The following GRM7 variants were observed in gnomAD, a reference collection of about 807,000 sequenced individuals.
GRM7 encodes glutamate metabotropic receptor 7, also known as metabotropic glutamate receptor 7.
Under a neutral mutation model 84.5 loss-of-function variants are expected in GRM7, and 35 were observed. The observed-to-expected ratio is 0.41, with a 90% CI of 0.32 to 0.55. The LOEUF is 0.55. GRM7 is among the 20% of genes least tolerant of loss of function. GRM7 has a pLI of 0.19. For missense variants in GRM7, 1,003 were observed against 1,194.6 expected, an observed-to-expected ratio of 0.84 and a Z score of 2.36; for synonymous variants, 487 against 455.1, an observed-to-expected ratio of 1.07 and a Z score of -0.89.
chr3:7,090,587 T>C (rs1334705294), intron 1 of GRM7, among the ~76,000 whole-genome samples: 1 of 152,232 alleles, frequency 6.6e-6, no homozygotes, highest in African/African-American at 2.4e-5. Flanking sequence ...GAATTATTCT[T>C]AAAATGTCAA....
rs138810187 is a variant in GRM7, at chr3:7,712,701, G to C, written c.2699-27656G>C. ...ACTTAAGCTAAGATCTACACACTTA[G>C]CAAAGTTTCAAGTGTATAATCCTGG... is the stretch of plus-strand genomic sequence containing the variant. On this transcript the variant is annotated intron_variant, in intron 9 of 9. Transcript: ENST00000357716. Among the ~76,000 whole-genome samples, 467 of 151,328 alleles carry C rather than the reference G, an allele frequency of 3.1e-3. 1 individual carries two copies. Among genetic ancestry groups the C allele is most frequent in the Middle Eastern group, 0.01 (3 of 294 alleles).
In GRM7 at chr3:6,991,110, G is replaced by T. The variant is rs143735605; in HGVS notation, c.519+129203G>T. On this transcript the variant is annotated intron_variant, in intron 1 of 9. Transcript: ENST00000357716. ...CATACATACATGCACACACACACAC[G>T]GATGCCCTCTTACCAACCTGCACCC... 6.2e-3 allele frequency among the ~76,000 whole-genome samples: 950 copies of T among 152,066 alleles called. 9 individuals carry two copies. The highest frequency in any genetic ancestry group is 0.02 in the African/African-American group (840 of 41,476).
At chr3:7,616,359 C>T (rs1697079510) in intron 8 of GRM7, among the ~76,000 whole-genome samples, 1 of 152,128 alleles carries the variant, frequency 6.6e-6, no homozygotes, top group South Asian at 2.1e-4. Context: ...GTGCTTCCTA[C>T]ACCTAACTTA....
chr3:7,252,908 T>G (rs1255833638), intron 2 of GRM7, among the ~76,000 whole-genome samples: 1 of 150,332 alleles, frequency 6.7e-6, no homozygotes, highest in Non-Finnish European at 1.5e-5. Context: ...GCCAATATGG[T>G]CTTGATTTCT....
At chr3:7,543,856 G>T (rs1167486437) in intron 7 of GRM7, among the ~76,000 whole-genome samples, 1 of 152,174 alleles carries the variant, frequency 6.6e-6, no homozygotes, top group African/African-American at 2.4e-5. Context: ...TAAATGAGAG[G>T]CACAGTTTCA....
chr3:6,952,807 C>A (rs747659262), intron 1 of GRM7, among the ~76,000 whole-genome samples: 1 of 152,142 alleles, frequency 6.6e-6, no homozygotes, highest in South Asian at 2.1e-4. Context: ...CAAAAGGATG[C>A]AAAATTGAAT....
intron 8 of GRM7, among the ~76,000 whole-genome samples, chr3:7,664,953 C>G (rs1475684865): frequency 2.6e-5 from 4 of 152,064 alleles, no homozygotes; most frequent in Non-Finnish European, 5.9e-5. Flanking sequence ...ATGTTTCAGA[C>G]AATATTTATA....
intron 4 of GRM7, among the ~76,000 whole-genome samples, chr3:7,323,994 C>A (rs1386710362): frequency 6.6e-6 from 1 of 152,108 alleles, no homozygotes; most frequent in East Asian, 1.9e-4. Context: ...TTCTTTAAAT[C>A]TTTACGGGTG....
chr3:7,209,682 G>A (rs1195203680), intron 2 of GRM7, among the ~76,000 whole-genome samples: 1 of 152,184 alleles, frequency 6.6e-6, no homozygotes, highest in East Asian at 1.9e-4. Context: ...GCATATGGAA[G>A]TCATTGCAGG....
chr3:7,334,967 G>T (rs541471852), intron 4 of GRM7, among the ~76,000 whole-genome samples: 1 of 152,112 alleles, frequency 6.6e-6, no homozygotes, highest in East Asian at 1.9e-4. Flanking sequence ...TAATTGTGGG[G>T]GACTTCAGTA....
intron 4 of GRM7, among the ~76,000 whole-genome samples, chr3:7,402,270 C>G (rs188106899): frequency 7.0e-4 from 107 of 152,264 alleles, no homozygotes; most frequent in Non-Finnish European, 1.3e-4. Flanking sequence ...CCAACCCAGT[C>G]AGTTGGTAAC....
intron 9 of GRM7, chr3:7,682,356 A>G (rs1191619013): frequency 6.7e-6 from 1 of 148,166 alleles, no homozygotes; most frequent in Non-Finnish European, 1.5e-5. Context: ...AAAAAAAAAA[A>G]GAAAAAGAAA....
chr3:7,549,199 CATTAA>C (rs1348677515), intron 7 of GRM7, among the ~76,000 whole-genome samples: 1 of 152,180 alleles, frequency 6.6e-6, no homozygotes, highest in East Asian at 1.9e-4. Context: ...ACATTCAATA[CATTAA>C]ATTAAAAGCA....
At chr3:7,730,598 A>G (rs1702293132) in intron 9 of GRM7, among the ~76,000 whole-genome samples, 1 of 152,230 alleles carries the variant, frequency 6.6e-6, no homozygotes, top group Non-Finnish European at 1.5e-5. Context: ...TAAAGGAATG[A>G]ATGAAGAGAC....
intron 1 of GRM7, among the ~76,000 whole-genome samples, chr3:7,071,795 T>C (rs1697891318): frequency 1.3e-5 from 2 of 152,136 alleles, no homozygotes; most frequent in African/African-American, 2.4e-5. Flanking sequence ...ATATTTATAA[T>C]AAGCCATTGG....
At chr3:7,418,590 C>T (rs921227770) in intron 5 of GRM7, among the ~76,000 whole-genome samples, 2 of 152,126 alleles carry the variant, frequency 1.3e-5, no homozygotes, top group African/African-American at 2.4e-5. Context: ...ACCCACAGCC[C>T]ACCAGCTGAG....
intron 2 of GRM7, among the ~76,000 whole-genome samples, chr3:7,267,960 C>A (rs1230658418): frequency 6.6e-6 from 1 of 151,984 alleles, no homozygotes; most frequent in Admixed American, 6.6e-5. Flanking sequence ...TCAGAAGGCC[C>A]AGTTAGTGCC....
chr3:7,091,914 G>C (rs2125009716), intron 1 of GRM7, among the ~76,000 whole-genome samples: 1 of 151,452 alleles, frequency 6.6e-6, no homozygotes, highest in African/African-American at 2.4e-5. Context: ...ACACTGTAAG[G>C]AATCACATGG....
At chr3:7,671,776 T>A (rs1187746179) in intron 8 of GRM7, among the ~76,000 whole-genome samples, 2 of 151,970 alleles carry the variant, frequency 1.3e-5, no homozygotes, top group African/African-American at 4.8e-5. Context: ...ACACTTGCAA[T>A]TTCTGGCACC....
Sources: gnomAD v4.1 joint callset for allele counts (sites outside exome capture counted in the v4.1 genomes callset) on GRCh38, gnomAD v4.1.1 for gene constraint, MANE v1.5 for transcripts, NCBI Gene and HGNC (gene_info 2026-07-23, HGNC 2026-07-21) for gene names.